LRBA: variants seen among roughly 807,000 people sequenced by gnomAD.
LRBA encodes LPS responsive beige-like anchor protein, also known as lipopolysaccharide-responsive and beige-like anchor protein.
Under a neutral mutation model 330.0 loss-of-function variants are expected in LRBA, and 176 were observed. The ratio of observed to expected loss-of-function variants is 0.53; its 90% CI spans 0.47 to 0.60. The LOEUF is 0.60. Among genes scored for constraint, LRBA ranks in the 20% least tolerant of loss-of-function variants. The pLI is 0.00. For missense variants in LRBA, 3,259 were observed against 3,444.8 expected, an observed-to-expected ratio of 0.95 and a Z score of 1.35; for synonymous variants, 1,230 against 1,193.0, an observed-to-expected ratio of 1.03 and a Z score of -0.64.
chr4:150,906,105 C>T (rs1438700969), intron 12 of LRBA, 115 bp from the exon 13 acceptor site: 1 of 895,784 alleles, frequency 1.1e-6, no homozygotes, highest in Non-Finnish European at 1.8e-6. Flanking sequence ...GTTAAAGATG[C>T]CATGAAGCTC....
At chr4:150,358,893 C>A (rs1180191999) in intron 47 of LRBA, among the ~76,000 whole-genome samples, 4 of 152,128 alleles carry the variant, frequency 2.6e-5, no homozygotes, top group Admixed American at 2.0e-4. Flanking sequence ...CTACTTATTG[C>A]CAGATGTAGT....
intron 47 of LRBA, among the ~76,000 whole-genome samples, chr4:150,379,237 A>G (rs1741817186): frequency 7.7e-6 from 1 of 130,706 alleles, no homozygotes; most frequent in South Asian, 2.7e-4. Context: ...CGGGAGGCAG[A>G]GGTTGTAGTG....
chr4:150,645,159 G>T (rs1000529314), intron 37 of LRBA, among the ~76,000 whole-genome samples: 1 of 147,630 alleles, frequency 6.8e-6, no homozygotes, highest in Non-Finnish European at 1.5e-5. Flanking sequence ...AATCTTAACA[G>T]TGGTAAGGTT....
chr4:150,745,625 C>A (rs1204561863), intron 35 of LRBA, among the ~76,000 whole-genome samples: 1 of 152,130 alleles, frequency 6.6e-6, no homozygotes, highest in Non-Finnish European at 1.5e-5. Context: ...AAGCAATTCT[C>A]CTGCCTCAGC....
intron 47 of LRBA, among the ~76,000 whole-genome samples, chr4:150,364,988 G>C (rs998409897): frequency 3.3e-5 from 5 of 151,714 alleles, no homozygotes; most frequent in African/African-American, 7.3e-5. Context: ...TACACACACA[G>C]AGAGAAAGTG....
At chr4:150,333,421 T>C (rs1490634865) in intron 48 of LRBA, among the ~76,000 whole-genome samples, 2 of 152,166 alleles carry the variant, frequency 1.3e-5, no homozygotes, top group Non-Finnish European at 2.9e-5. Flanking sequence ...AAAAGATATG[T>C]CATTTATTAA....
intron 48 of LRBA, among the ~76,000 whole-genome samples, chr4:150,339,938 T>C (rs528887360): frequency 2.0e-5 from 3 of 151,704 alleles, no homozygotes; most frequent in African/African-American, 7.2e-5. Flanking sequence ...CCCCACATCG[T>C]GAGAAGGACC....
At chr4:150,975,457 C>T (rs747236863) in intron 2 of LRBA, among the ~76,000 whole-genome samples, 4 of 150,028 alleles carry the variant, frequency 2.7e-5, no homozygotes, top group South Asian at 2.1e-4. Context: ...ACCCGGGAGA[C>T]GGAGGTTGCA....
At chr4:150,651,931 T>C (rs1779743469) in intron 37 of LRBA, among the ~76,000 whole-genome samples, 1 of 152,046 alleles carries the variant, frequency 6.6e-6, no homozygotes, top group Non-Finnish European at 1.5e-5. Context: ...GGTGCCTTGA[T>C]CTCCTGGGCT....
intron 2 of LRBA, among the ~76,000 whole-genome samples, chr4:150,974,592 T>C (rs1310344840): frequency 6.6e-6 from 1 of 152,186 alleles, no homozygotes; most frequent in African/African-American, 2.4e-5. Context: ...CATTGCAATA[T>C]TTAAAAACAA....
intron 43 of LRBA, among the ~76,000 whole-genome samples, chr4:150,470,189 A>C (rs979661052): frequency 6.6e-6 from 1 of 152,164 alleles, no homozygotes; most frequent in Admixed American, 6.6e-5. Flanking sequence ...GTCTCAAAAA[A>C]ATAAAAAAGA....
intron 48 of LRBA, among the ~76,000 whole-genome samples, chr4:150,331,233 C>G (rs369609127): frequency 6.6e-6 from 1 of 152,076 alleles, no homozygotes; most frequent in Non-Finnish European, 1.5e-5. Flanking sequence ...ATTCAGCCCT[C>G]TATATAGAGC....
intron 2 of LRBA, among the ~76,000 whole-genome samples, chr4:150,966,629 A>G (rs1028784148): frequency 3.9e-5 from 6 of 152,046 alleles, no homozygotes; most frequent in Non-Finnish European, 5.9e-5. Context: ...CCCGGCCGCT[A>G]GTTCATTCTT....
At chr4:150,498,640 C>G (rs201413300) in intron 40 of LRBA, among the ~76,000 whole-genome samples, 1 of 152,042 alleles carries the variant, frequency 6.6e-6, no homozygotes, top group East Asian at 1.9e-4. Context: ...AGAGAAGGAA[C>G]AAAATGAACT....
chr4:150,829,926 G>A (rs1746909955), intron 29 of LRBA, among the ~76,000 whole-genome samples: 1 of 151,990 alleles, frequency 6.6e-6, no homozygotes, highest in African/African-American at 2.4e-5. Flanking sequence ...ACTGTACCTT[G>A]TAATCATTTT....
intron 42 of LRBA, among the ~76,000 whole-genome samples, chr4:150,486,842 C>T (rs1313498187): frequency 2.0e-5 from 3 of 151,854 alleles, no homozygotes; most frequent in Non-Finnish European, 4.4e-5. Flanking sequence ...CTCTCTACTT[C>T]TATGAGTCTA....
intron 48 of LRBA, among the ~76,000 whole-genome samples, chr4:150,335,910 G>C (rs936346720): frequency 3.9e-5 from 6 of 152,066 alleles, no homozygotes; most frequent in Non-Finnish European, 8.8e-5. Flanking sequence ...TGCCCAGGTT[G>C]GTCTTGAACT....
chr4:150,608,378 A>C (rs1178724446), intron 37 of LRBA, among the ~76,000 whole-genome samples: 1 of 152,192 alleles, frequency 6.6e-6, no homozygotes, highest in Non-Finnish European at 1.5e-5. Flanking sequence ...AATATTGCAG[A>C]ACAGAAAAGG....
At chr4:150,849,691 A>AAG (rs1750368104) in intron 24 of LRBA, 116 bp from the exon 25 acceptor site, 1 of 752,382 alleles carries the variant, frequency 1.3e-6, no homozygotes, top group African/African-American at 1.7e-5. Flanking sequence ...AAACTGAAGG[A>AAG]AGATGATGCA....
Sources: allele counts gnomAD v4.1 joint callset (sites outside exome capture counted in the v4.1 genomes callset), GRCh38; gene constraint gnomAD v4.1.1; transcripts MANE v1.5; gene names NCBI Gene and HGNC (gene_info 2026-07-23, HGNC 2026-07-21).